CPNE8: variants seen among roughly 807,000 people sequenced by gnomAD.
CPNE8 encodes the protein copine-8.
CPNE8 carries 45 observed loss-of-function variants against 81.5 expected under a neutral mutation model. That is an observed-to-expected ratio of 0.55 (90% CI 0.44 to 0.71). The LOEUF is 0.71. Among genes scored for constraint, CPNE8 ranks in the 30% least tolerant of loss-of-function variants. The probability of loss-of-function intolerance (pLI) is 0.00; values close to 1 mark genes in which losing one functional copy is unlikely to be tolerated. For missense variants in CPNE8, 594 were observed against 672.1 expected (o/e 0.88, Z 1.28); for synonymous variants, 252 against 226.3 (o/e 1.11, Z -1.02).
intron 1 of CPNE8, among the ~76,000 whole-genome samples, chr12:38,878,342 T>C (rs1294954289): frequency 6.6e-6 from 1 of 152,330 alleles, no homozygotes; most frequent in East Asian, 1.9e-4. Flanking sequence ...CTGGGTTAAC[T>C]GGAGAGGTGT....
chr12:38,654,674 A>G (rs1938779892), intron 19 of CPNE8, among the ~76,000 whole-genome samples: 1 of 152,082 alleles, frequency 6.6e-6, no homozygotes, highest in Admixed American at 6.6e-5. Context: ...ATGTTGCCAA[A>G]TGTCTTCTGC....
At chr12:38,848,748 A>T in intron 3 of CPNE8, 86 bp from the exon 4 acceptor site, 1 of 1,397,866 alleles carries the variant, frequency 7.2e-7, no homozygotes, top group Non-Finnish European at 9.3e-7. Flanking sequence ...CAGTTCTTTT[A>T]AAAAACAAGC....
chr12:38,849,326 T>C (rs1241117573), intron 3 of CPNE8, among the ~76,000 whole-genome samples: 1 of 152,188 alleles, frequency 6.6e-6, no homozygotes, highest in Non-Finnish European at 1.5e-5. Flanking sequence ...CCTTTCAATG[T>C]GAAAGAAGGC....
intron 13 of CPNE8, among the ~76,000 whole-genome samples, chr12:38,712,524 T>TTA (rs1940285864): frequency 6.6e-6 from 1 of 152,188 alleles, no homozygotes; most frequent in South Asian, 2.1e-4. Flanking sequence ...GCCACCAATT[T>TTA]TATAAAACTA....
At chr12:38,716,082 T>A (rs1422857625) in intron 13 of CPNE8, among the ~76,000 whole-genome samples, 1 of 151,882 alleles carries the variant, frequency 6.6e-6, no homozygotes, top group African/African-American at 2.4e-5. Context: ...CCTAGGAATA[T>A]GCTTCAGCAA....
chr12:38,767,123 TA>T (rs1156685921), intron 8 of CPNE8, among the ~76,000 whole-genome samples: 1 of 152,116 alleles, frequency 6.6e-6, no homozygotes, highest in African/African-American at 2.4e-5. Context: ...CCATACATAT[TA>T]AATTATGGTC....
At chr12:38,729,213 G>A (rs921397055) in intron 11 of CPNE8, among the ~76,000 whole-genome samples, 5 of 152,064 alleles carry the variant, frequency 3.3e-5, no homozygotes, top group African/African-American at 7.2e-5. Flanking sequence ...AGGTATTTAC[G>A]TAATTACAAC....
chr12:38,683,660 C>A (rs946008084), intron 16 of CPNE8, among the ~76,000 whole-genome samples: 1 of 152,010 alleles, frequency 6.6e-6, no homozygotes, highest in Non-Finnish European at 1.5e-5. Context: ...AAAAGCATTT[C>A]TTTTGTGGTC....
intron 14 of CPNE8, among the ~76,000 whole-genome samples, chr12:38,696,125 C>G (rs1240227100): frequency 6.6e-6 from 1 of 152,146 alleles, no homozygotes; most frequent in Non-Finnish European, 1.5e-5. Context: ...ACATGCATAG[C>G]TGGGCCCTTT....
At chr12:38,667,096 A>G (rs1451389296) in intron 19 of CPNE8, among the ~76,000 whole-genome samples, 1 of 152,114 alleles carries the variant, frequency 6.6e-6, no homozygotes, top group Non-Finnish European at 1.5e-5. Flanking sequence ...GCTACATACT[A>G]TTATTTGCCA....
At chr12:38,856,758 C>T (rs542582244) in intron 3 of CPNE8, among the ~76,000 whole-genome samples, 2 of 152,202 alleles carry the variant, frequency 1.3e-5, no homozygotes, top group South Asian at 4.1e-4. Flanking sequence ...AAACTGATCA[C>T]CACATTTAAA....
intron 1 of CPNE8, among the ~76,000 whole-genome samples, chr12:38,881,220 A>C (rs1431590305): frequency 6.6e-6 from 1 of 152,126 alleles, no homozygotes; most frequent in Non-Finnish European, 1.5e-5. Flanking sequence ...AAAAAAAAAA[A>C]AAAAAGAAAT....
intron 6 of CPNE8, among the ~76,000 whole-genome samples, chr12:38,782,453 G>C (rs1942075494): frequency 6.6e-6 from 1 of 152,052 alleles, no homozygotes; most frequent in South Asian, 2.1e-4. Context: ...TCATATTGTG[G>C]TTGTGTAAAA....
At chr12:38,885,806 C>T (rs562467113) in intron 1 of CPNE8, among the ~76,000 whole-genome samples, 2 of 152,084 alleles carry the variant, frequency 1.3e-5, no homozygotes, top group East Asian at 3.9e-4. Context: ...AGTCCTCCCC[C>T]TTCTGTTCTT....
intron 6 of CPNE8, among the ~76,000 whole-genome samples, chr12:38,796,745 T>A (rs1245753847): frequency 6.6e-6 from 1 of 152,020 alleles, no homozygotes; most frequent in East Asian, 1.9e-4. Flanking sequence ...GGGTGAGGAA[T>A]TGCCTCACTC....
chr12:38,805,453 T>C (rs202120341), intron 6 of CPNE8, among the ~76,000 whole-genome samples: 2,448 of 85,542 alleles, frequency 0.029, 162 homozygotes, highest in East Asian at 0.23. Context: ...TAGGTGGGAA[T>C]TGAACAATGA....
intron 4 of CPNE8, among the ~76,000 whole-genome samples, chr12:38,847,499 C>A (rs1943578433): frequency 6.6e-6 from 1 of 152,136 alleles, no homozygotes; most frequent in South Asian, 2.1e-4. Context: ...ATTTCAGTTT[C>A]TCTTCCAATG....
chr12:38,773,714 T>A (rs1941859709), intron 7 of CPNE8, among the ~76,000 whole-genome samples: 1 of 152,146 alleles, frequency 6.6e-6, no homozygotes, highest in African/African-American at 2.4e-5. Flanking sequence ...ACATTATAAA[T>A]AATAATGCCC....
chr12:38,859,375 A>G (rs1202960369), intron 3 of CPNE8, among the ~76,000 whole-genome samples: 1 of 152,150 alleles, frequency 6.6e-6, no homozygotes, highest in Admixed American at 6.5e-5. Context: ...ACTTGGTAAT[A>G]AACTTAACTA....
Sources: gnomAD v4.1 joint callset for allele counts (sites outside exome capture counted in the v4.1 genomes callset) on GRCh38, gnomAD v4.1.1 for gene constraint, MANE v1.5 for transcripts, NCBI Gene and HGNC (gene_info 2026-07-23, HGNC 2026-07-21) for gene names.